The following TBCD variants were observed in gnomAD, a reference collection of about 807,000 sequenced individuals.
The protein encoded by TBCD is tubulin folding cofactor D, also known as tubulin-specific chaperone D.
TBCD carries 105 observed loss-of-function variants against 169.3 expected under a neutral mutation model. That is an observed-to-expected ratio of 0.62 (90% CI 0.53 to 0.73). TBCD has a LOEUF of 0.73. TBCD is among the 30% of genes least tolerant of loss of function. The pLI is 0.00. For synonymous variants in TBCD, 700 were observed against 643.9 expected (o/e 1.09, Z -1.32); for missense variants, 1,444 against 1,600.1 (o/e 0.90, Z 1.66).
At chr17:82,888,475 C>T (rs953093116) in intron 15 of TBCD, among the ~76,000 whole-genome samples, 7 of 152,234 alleles carry the variant, frequency 4.6e-5, no homozygotes, top group African/African-American at 1.7e-4. Flanking sequence ...ATCTTTGTTG[C>T]ATTGCCTTTT....
intron 7 of TBCD, among the ~76,000 whole-genome samples, chr17:82,791,385 C>T (rs1232117816): frequency 9.9e-5 from 15 of 152,204 alleles, no homozygotes; most frequent in Admixed American, 9.8e-4. Flanking sequence ...ACCACTGTGC[C>T]CGGCCATGGA....
At chr17:82,823,009 A>G (rs571204607) in intron 13 of TBCD, among the ~76,000 whole-genome samples, 14 of 152,310 alleles carry the variant, frequency 9.2e-5, no homozygotes, top group African/African-American at 2.6e-4. Context: ...CAGAAGGGAT[A>G]TTTTATAGGA....
intron 36 of TBCD, chr17:82,938,894 C>G (rs62076112): frequency 3.7e-5 from 2 of 54,196 alleles, no homozygotes; most frequent in South Asian, 3.1e-4. Context: ...AGATAGCGGG[C>G]GAGATTGCTT....
chr17:82,841,461 G>A (rs989044256), intron 13 of TBCD, among the ~76,000 whole-genome samples: 8 of 152,034 alleles, frequency 5.3e-5, no homozygotes, highest in Admixed American at 5.2e-4. Flanking sequence ...GGGACTACAG[G>A]CACGGTCACT....
intron 13 of TBCD, among the ~76,000 whole-genome samples, chr17:82,828,970 C>T (rs1012508034): frequency 4.7e-5 from 7 of 149,946 alleles, no homozygotes; most frequent in African/African-American, 1.7e-4. Context: ...CGTGCATACC[C>T]ACACAATCCC....
intron 17 of TBCD, among the ~76,000 whole-genome samples, chr17:82,899,278 G>A (rs1014450769): frequency 1.3e-5 from 2 of 148,582 alleles, no homozygotes; most frequent in Non-Finnish European, 3.0e-5. Context: ...TCCTCAGCGC[G>A]TGTGTCCTCA....
intron 1 of TBCD, among the ~76,000 whole-genome samples, chr17:82,753,355 G>A (rs1357412529): frequency 6.6e-6 from 1 of 151,752 alleles, no homozygotes; most frequent in Non-Finnish European, 1.5e-5. Context: ...GATGCCTCTC[G>A]TGCAGAACTG....
chr17:82,758,400 A>AATAAATAAATAAAT (rs1555672641), intron 2 of TBCD, among the ~76,000 whole-genome samples: 1 of 100,058 alleles, frequency 1.0e-5, no homozygotes, highest in African/African-American at 3.6e-5. Context: ...AAAAAAAAAA[A>AATAAATAAATAAAT]AAATAAATAA....
rs1555614995 is a variant in TBCD at position 82,850,167 on chromosome 17, C to CCTGTGCTGCTGTTGG, written c.1319-20033_1319-20019dup. Among the ~76,000 whole-genome samples the CCTGTGCTGCTGTTGG allele has an allele frequency of 1.2e-3, 23 of 18,826 alleles. 4 individuals are homozygous for CCTGTGCTGCTGTTGG. Among genetic ancestry groups the CCTGTGCTGCTGTTGG allele is most frequent in the African/African-American group, 4.1e-3 (16 of 3,868 alleles). 12.4% of individuals were successfully genotyped at this position (18,826 alleles called of 152,430 possible). On this transcript the variant is annotated intron_variant, in intron 13 of 38. Coordinates refer to ENST00000355528, the MANE Select transcript of TBCD (RefSeq NM_005993.5). ...GCTGTTGTTGGCTGTGCTGTTGTTGCCTGTGCTGCTGTTGGCTGTGCTGCT... is the reference window on the plus strand; with the variant it reads ...GCTGTTGTTGGCTGTGCTGTTGTTGCCTGTGCTGCTGTTGGCTGTGCTGCTGTTGGCTGTGCTGCT...
rs1335647744 is a variant in TBCD at position 82,929,123 on chromosome 17, A to C, written c.2704A>C (p.Ile902Leu). Reference sequence around the variant, plus strand: ...GCTCTCGGTTTGCAGCTGTGAGCGCATCATGTGCTGTGTGGCCCAGCAGGC... The same window carrying C: ...GCTCTCGGTTTGCAGCTGTGAGCGCCTCATGTGCTGTGTGGCCCAGCAGGC... ...ELIEAHTCERIMCCVAQQASE... is the reference protein window; with the variant it reads ...ELIEAHTCERLMCCVAQQASE... The change falls in exon 31 of 39, where the codon ATC (isoleucine) becomes CTC (leucine). Residue 902 changes from isoleucine (I) to leucine (L), a missense_variant. By Grantham distance (5) the Ile-to-Leu change is conservative. Transcript: ENST00000355528. 6.2e-7 allele frequency: 1 copy of C among 1,611,156 alleles called. No individual in the cohort carries two copies. The highest frequency in any genetic ancestry group is 1.3e-5 in the African/African-American group (1 of 74,856).
Position 82,926,401 on chromosome 17 carries a change from T to C in TBCD, c.2381T>C (p.Val794Ala), listed in dbSNP as rs1369813477. The change falls in exon 28 of 39, where the codon GTT becomes GCT. Residue 794 changes from valine (V) to alanine (A), a missense_variant and splice_region_variant. Transcript: ENST00000355528. ...CTGTGATTCTTTATTGCTTTCCAGGTTCTCACAGGTTTAAGAGCAGTTACC... is the reference window on the plus strand; with the variant it reads ...CTGTGATTCTTTATTGCTTTCCAGGCTCTCACAGGTTTAAGAGCAGTTACC... ...GFLLKGRLQQ[V>A]LTGLRAVTHT... is the part of the protein sequence containing the mutation. The C allele has an allele frequency of 1.9e-6, 3 of 1,613,740 alleles. No homozygotes were observed. The highest frequency in any genetic ancestry group is 2.5e-6 in the Non-Finnish European group (3 of 1,179,766).
At chr17:82,913,701 TCTG>T (rs2060826039) in intron 23 of TBCD, 1 of 152,364 alleles carries the variant, frequency 6.6e-6, no homozygotes, top group Non-Finnish European at 1.5e-5. Context: ...TGCTCTGTAA[TCTG>T]CTCTTCTTCT....
chr17:82,935,127 T>C (rs2062518510), intron 34 of TBCD, among the ~76,000 whole-genome samples: 1 of 152,248 alleles, frequency 6.6e-6, no homozygotes, highest in Admixed American at 6.5e-5. Context: ...TGTCCTGCTA[T>C]GAATACAGCT....
intron 37 of TBCD, among the ~76,000 whole-genome samples, chr17:82,940,222 C>CACACACACACACACACAA (rs1491170165): frequency 1.0e-5 from 1 of 96,660 alleles, no homozygotes; most frequent in East Asian, 3.2e-4. Context: ...TGCACGCGCG[C>CACACACACACACACACAA]ACACACACAC....
rs924441092 is a variant in TBCD, at chr17:82,912,897, G to C, written c.2038+1108G>C. 4 of 152,280 alleles carry C rather than the reference G, an allele frequency of 2.6e-5. No homozygotes were observed. The East Asian group carries it at 7.7e-4, about 29-fold the overall frequency. The allele number at this position is 152,280 out of a possible 1,614,324, so 9.4% of individuals were successfully genotyped here. A position where few individuals can be genotyped will look rare whatever the true frequency, so the allele number is the denominator to read the frequency against. On this transcript the variant is annotated intron_variant, in intron 23 of 38. Coordinates refer to ENST00000355528, the MANE Select transcript of TBCD (RefSeq NM_005993.5). ...TGAGTCTGATGGACGTCACGGGAAA[G>C]TCAATCCTAGAAACGTGAGCCAGTT...
chr17:82,807,817 G>T (rs2051087821), intron 11 of TBCD, 149 bp downstream of exon 11: 7 of 540,596 alleles, frequency 1.3e-5, no homozygotes, highest in Middle Eastern at 5.1e-4. Context: ...TTACGTGTTG[G>T]CGTGAAGATG....
intron 13 of TBCD, among the ~76,000 whole-genome samples, chr17:82,863,254 C>A (rs2056912454): frequency 2.0e-5 from 3 of 152,068 alleles, no homozygotes; most frequent in African/African-American, 7.2e-5. Flanking sequence ...TGGCAGATGC[C>A]CCCAGGAGGA....
Position 82,752,083 on chromosome 17 carries a change from C to A in TBCD, c.-111C>A. On this transcript the variant is annotated 5_prime_UTR_variant, in exon 1 of 39. Coordinates refer to ENST00000355528, the MANE Select transcript of TBCD (RefSeq NM_005993.5). Reference sequence around the variant, plus strand: ...GGGCGGGGCCAGCGTCGGTTGCCGCCTTAGCGGGCGCCTCCTTTTCATCCC... The same window carrying A: ...GGGCGGGGCCAGCGTCGGTTGCCGCATTAGCGGGCGCCTCCTTTTCATCCC... 5.5e-6 allele frequency: 7 copies of A among 1,265,170 alleles called. No homozygotes were observed. The highest frequency in any genetic ancestry group is 7.2e-6 in the Non-Finnish European group (7 of 973,318). The allele number at this position is 1,265,170 out of a possible 1,614,324, so 78.4% of individuals were successfully genotyped here. A position where few individuals can be genotyped will look rare whatever the true frequency, so the allele number is the denominator to read the frequency against.
In TBCD at chr17:82,833,817, A is replaced by AGAG. The variant is rs1446996085; in HGVS notation, c.1318+18885_1318+18887dup. Among the ~76,000 whole-genome samples the AGAG allele has an allele frequency of 6.6e-5, 10 of 152,070 alleles. No homozygotes were observed. Among genetic ancestry groups the AGAG allele is most frequent in the African/African-American group, 2.2e-4 (9 of 41,344 alleles). Reference sequence around the variant, plus strand: ...ACCCACTCAGGTCCTGGGACCCACCAGAGGCTGTGTGTGTGATGTCAGAGC... The same window carrying AGAG: ...ACCCACTCAGGTCCTGGGACCCACCAGAGGAGGCTGTGTGTGTGATGTCAGAGC... On this transcript the variant is annotated intron_variant, in intron 13 of 38. Coordinates refer to ENST00000355528, the MANE Select transcript of TBCD (RefSeq NM_005993.5). The surrounding 1 kb of genome is among the most constrained non-coding windows in gnomAD (Gnocchi z 4.7).
Sources: gnomAD v4.1 joint callset for allele counts (sites outside exome capture counted in the v4.1 genomes callset) on GRCh38, gnomAD v4.1.1 for gene constraint, Gnocchi (gnomAD v3.1) non-coding constraint, MANE v1.5 for transcripts, NCBI Gene and HGNC (gene_info 2026-07-23, HGNC 2026-07-21) for gene names.